Variants in BRPF1 observed in about 807,000 individuals in gnomAD.
BRPF1 encodes the protein bromodomain and PHD finger containing 1, also known as peregrin.
In BRPF1, 15 loss-of-function variants were observed where a neutral mutation model predicts 115.0. The ratio of observed to expected loss-of-function variants is 0.13; its 90% confidence interval spans 0.09 to 0.20. The LOEUF (loss-of-function observed/expected upper bound fraction) is 0.20. Ranked by LOEUF, BRPF1 falls within the 10% of genes least tolerant of loss-of-function variation. The pLI is 1.00. For synonymous variants in BRPF1, 647 were observed against 619.8 expected, an observed-to-expected ratio of 1.04 and a Z score of -0.65; for missense variants, 1,118 against 1,638.3, an observed-to-expected ratio of 0.68 and a Z score of 5.48.
At position 9,743,052 on chromosome 3, in the gene BRPF1, A is replaced by C. The variant is rs759199110; in HGVS notation, c.2110A>C (p.Asn704His). The C allele has an allele frequency of 1.2e-6, 2 of 1,614,252 alleles. No individual in the cohort carries two copies. Among genetic ancestry groups the C allele is most frequent in the South Asian group, 2.2e-5 (2 of 91,086 alleles). ...TTTTGATGATTTTGAGGAGGACTTCAACCTCATCGTCAGCAACTGCCTCAA... is the reference window on the plus strand; with the variant it reads ...TTTTGATGATTTTGAGGAGGACTTCCACCTCATCGTCAGCAACTGCCTCAA... Reference protein sequence around the residue: ...LNFDDFEEDFNLIVSNCLKYN... With the variant: ...LNFDDFEEDFHLIVSNCLKYN... Residue 704 changes from asparagine to histidine, a missense_variant, in exon 7 of 14, where the codon AAC becomes CAC. Transcript: ENST00000383829. The surrounding 1 kb of genome is among the most constrained non-coding windows in gnomAD (Gnocchi z 6.1).
Position 9,739,122 on chromosome 3 carries a change from G to A in BRPF1, c.723G>A (p.Pro241=), listed in dbSNP as rs191947134. Residue 241 remains proline, a synonymous_variant, in exon 3 of 14, where the codon CCG becomes CCA. Transcript: ENST00000383829. ...RRKTEGVSPI[P]QEIFEYLMDR... ...AGACAGAGGGTGTAAGTCCCATCCC[G>A]CAGGAGATCTTTGAGTACCTAATGG... 215 of 1,613,970 alleles carry A rather than the reference G, an allele frequency of 1.3e-4. 1 individual carries two copies. In the South Asian group the frequency reaches 2.1e-3, roughly 16 times the overall value.
In BRPF1 at chr3:9,742,006, A is replaced by G. The variant is rs537798576; in HGVS notation, c.1855-19A>G. 6.2e-7 allele frequency: 1 copy of G among 1,613,786 alleles called. No homozygotes were observed. The highest frequency in any genetic ancestry group is 1.1e-5 in the South Asian group (1 of 91,046). On this transcript the variant is annotated intron_variant, in intron 5 of 13. Transcript: ENST00000383829. ...TGAACTGGCCGAGGCCTGGCTGATCAGGCCTTTTTCTATGTTAGATCAAGG... is the reference window on the plus strand; with the variant it reads ...TGAACTGGCCGAGGCCTGGCTGATCGGGCCTTTTTCTATGTTAGATCAAGG...
intron 3 of BRPF1, among the ~76,000 whole-genome samples, 199 bp downstream of exon 3, chr3:9,740,157 C>T (rs1222422260): frequency 6.6e-6 from 1 of 152,220 alleles, no homozygotes; most frequent in Non-Finnish European, 1.5e-5. Flanking sequence ...GAAATGTCAG[C>T]TTTTATCTGG....
intron 2 of BRPF1, among the ~76,000 whole-genome samples, chr3:9,736,090 C>A (rs1479330946): frequency 1.4e-5 from 2 of 138,984 alleles, no homozygotes; most frequent in Non-Finnish European, 3.0e-5. Context: ...CGGCTCACTG[C>A]GACCTCCACT....
At position 9,743,289 on chromosome 3, in the gene BRPF1, A is replaced by G. The variant is rs753142238; in HGVS notation, c.2311+36A>G. ...TATCACACACACATATAAGAGGCCA[A>G]TGCCGGGGATGGACAGCTTTCCAAA... is the stretch of plus-strand genomic sequence containing the variant. On this transcript the variant is annotated intron_variant, in intron 7 of 13. Transcript: ENST00000383829. This position sits in a 1 kb window ranked among gnomAD's most constrained non-coding sequence, Gnocchi z 6.1. 14 of 1,581,064 alleles carry G rather than the reference A, an allele frequency of 8.9e-6. No individual in the cohort carries two copies. The Admixed American group carries it at 1.7e-4, about 20-fold the overall frequency.
Position 9,741,425 on chromosome 3 carries a change from C to T in BRPF1, c.1840C>T (p.Leu614Phe), listed in dbSNP as rs2125504426. The T allele has an allele frequency of 6.3e-7, 1 of 1,598,126 alleles. No homozygotes were observed. The highest frequency in any genetic ancestry group is 1.1e-5 in the South Asian group (1 of 89,902). ...LVELIRKREKLKRETIKVQQI... is the reference protein window; with the variant it reads ...LVELIRKREKFKRETIKVQQI... The stretch of plus-strand genomic sequence containing the variant: ...GGAATTGATCCGCAAGCGGGAAAAA[C>T]TCAAAAGGGAGACGGTGAGTGCTCC... Residue 614 changes from leucine to phenylalanine, a missense_variant, in exon 5 of 14, where the codon CTC becomes TTC. Leu to Phe is a conservative substitution (Grantham distance 22). This residue lies in a region of BRPF1 where 178 missense variants were observed against 303.7 expected (regional missense o/e 0.59). Coordinates refer to ENST00000383829, the MANE Select transcript of BRPF1 (RefSeq NM_001003694.2).
At chr3:9,744,032 C>A in intron 8 of BRPF1, 131 bp downstream of exon 8, 3 of 1,302,056 alleles carry the variant, frequency 2.3e-6, no homozygotes, top group Non-Finnish European at 3.1e-6. Flanking sequence ...CCTCATTCCC[C>A]AATCAGGGGC....
Position 9,745,651 on chromosome 3 carries a change from C to A in BRPF1, c.3147C>A (p.Thr1049=), listed in dbSNP as rs377310942. The change falls in exon 11 of 14, where the codon ACC becomes ACA. Residue 1049 remains threonine (T), a synonymous_variant. Coordinates refer to ENST00000383829, the MANE Select transcript of BRPF1 (RefSeq NM_001003694.2). This position sits in a 1 kb window ranked among gnomAD's most constrained non-coding sequence, Gnocchi z 5.1. The part of the protein sequence containing the change: ...GTFPEDSSED[T]SGTENEAYSV... ...TCCCAGAGGACAGCAGTGAGGATAC[C>A]TCAGGCACTGAGAATGAGGCCTACT... 7 of 1,614,244 alleles carry A rather than the reference C, an allele frequency of 4.3e-6. No homozygotes were observed. The highest frequency in any genetic ancestry group is 5.9e-6 in the Non-Finnish European group (7 of 1,180,048).
Position 9,747,112 on chromosome 3 carries a change from G to A in BRPF1, c.3480-54G>A. 2 of 1,596,432 alleles carry A rather than the reference G, an allele frequency of 1.3e-6. No homozygotes were observed. Among genetic ancestry groups the A allele is most frequent in the Non-Finnish European group, 1.7e-6 (2 of 1,167,428 alleles). On this transcript the variant is annotated intron_variant, in intron 13 of 13. Transcript: ENST00000383829. The surrounding 1 kb of genome is among the most constrained non-coding windows in gnomAD (Gnocchi z 5.6). ...GTGTTTGAGTGAATAGAGGAGGAAG[G>A]CTGGTCCTTGTTCTCCCTGAGATGA...
chr3:9,743,534 G>A lies in BRPF1; in HGVS notation c.2312-44G>A, dbSNP rs2077067144. 1.3e-6 allele frequency: 2 copies of A among 1,578,710 alleles called. No individual in the cohort carries two copies. Among genetic ancestry groups the A allele is most frequent in the East Asian group, 2.2e-5 (1 of 44,564 alleles). ...CCTGCCCAGGTTCAAGGGGCCCTGA[G>A]GGCTGCCCTGAGTCTGACCTTTCCC... On this transcript the variant is annotated intron_variant, in intron 7 of 13. Coordinates refer to ENST00000383829, the MANE Select transcript of BRPF1 (RefSeq NM_001003694.2). The surrounding 1 kb of genome is among the most constrained non-coding windows in gnomAD (Gnocchi z 6.1).
Position 9,742,016 on chromosome 3 carries a change from CTA to C in BRPF1, c.1855-7_1855-6del. The C allele has an allele frequency of 3.1e-6, 5 of 1,614,014 alleles. No individual in the cohort carries two copies. The highest frequency in any genetic ancestry group is 3.4e-6 in the Non-Finnish European group (4 of 1,179,986). ...GAGGCCTGGCTGATCAGGCCTTTTT[CTA>C]TGTTAGATCAAGGTTCAGCAGATTG... On this transcript the variant is annotated splice_polypyrimidine_tract_variant and splice_region_variant and intron_variant, in intron 5 of 13. Transcript: ENST00000383829.
chr3:9,744,320 C>G lies in BRPF1; in HGVS notation c.2732C>G (p.Pro911Arg). The change falls in exon 9 of 14, where the codon CCC becomes CGC. Residue 911 changes from proline (P) to arginine (R), a missense_variant. Around this residue, in one of 10 missense-constraint regions of BRPF1, gnomAD observed 92 missense variants for 102.2 expected, o/e 0.90. Coordinates refer to ENST00000383829, the MANE Select transcript of BRPF1 (RefSeq NM_001003694.2). Reference protein sequence around the residue: ...SKKNPKTAGPPKRPGRPPKNR... With the variant: ...SKKNPKTAGPRKRPGRPPKNR... ...AAGAACCCGAAGACAGCTGGACCGC[C>G]CAAGAGGCCGGGCCGGCCCCCCAAA... The G allele has an allele frequency of 2.5e-6, 4 of 1,613,534 alleles. No homozygotes were observed. The highest frequency in any genetic ancestry group is 2.5e-6 in the Non-Finnish European group (3 of 1,179,730).
At chr3:9,744,850 G>T (rs1047728903) in intron 9 of BRPF1, among the ~76,000 whole-genome samples, 158 bp from the exon 10 acceptor site, 17 of 152,312 alleles carry the variant, frequency 1.1e-4, no homozygotes, top group Admixed American at 2.6e-4. Context: ...GGCCAACTGT[G>T]GTAGACACTG....
chr3:9,744,708 A>G (rs926560327), intron 9 of BRPF1, among the ~76,000 whole-genome samples, 200 bp downstream of exon 9: 7 of 152,220 alleles, frequency 4.6e-5, no homozygotes, highest in Non-Finnish European at 7.3e-5. Flanking sequence ...AGTCCCATCC[A>G]GGGCCCCCTG....
rs763615600 is a variant in BRPF1 at position 9,741,454 on chromosome 3, G to A, written c.1854+15G>A. 1.9e-6 allele frequency: 3 copies of A among 1,557,158 alleles called. No individual in the cohort carries two copies. The highest frequency in any genetic ancestry group is 2.3e-5 in the South Asian group (2 of 85,712). The stretch of plus-strand genomic sequence containing the variant: ...AAAGGGAGACGGTGAGTGCTCCTGG[G>A]CCAGCCCTATTTTATAAAAGAAAAA... On this transcript the variant is annotated intron_variant, in intron 5 of 13. Transcript: ENST00000383829.
chr3:9,741,332 G>T lies in BRPF1; in HGVS notation c.1747G>T (p.Ala583Ser), dbSNP rs2077026153. The T allele has an allele frequency of 1.3e-6, 2 of 1,595,434 alleles. No homozygotes were observed. Among genetic ancestry groups the T allele is most frequent in the Non-Finnish European group, 1.7e-6 (2 of 1,167,340 alleles). ...GAGAGATTCTGAGGATAAGAACTGG[G>T]CCCTTAAAGAACAGCTCAAGTCCTG... ...VGRDSEDKNW[A>S]LKEQLKSWQR... Residue 583 changes from alanine to serine, a missense_variant, in exon 5 of 14, where the codon GCC (alanine) becomes TCC (serine). Physicochemically the swap from Ala to Ser is moderately conservative, Grantham distance 99. Coordinates refer to ENST00000383829, the MANE Select transcript of BRPF1 (RefSeq NM_001003694.2).
chr3:9,743,568 C>T lies in BRPF1; in HGVS notation c.2312-10C>T, dbSNP rs2077067954. 1.2e-6 allele frequency: 2 copies of T among 1,608,816 alleles called. No individual in the cohort carries two copies. Among genetic ancestry groups the T allele is most frequent in the Non-Finnish European group, 1.7e-6 (2 of 1,176,994 alleles). Reference sequence around the variant, plus strand: ...TGAGTCTGACCTTTCCCCTCCAACCCTACCCCTAGCAGCCGAGGAAGAGCG... The same window carrying T: ...TGAGTCTGACCTTTCCCCTCCAACCTTACCCCTAGCAGCCGAGGAAGAGCG... On this transcript the variant is annotated splice_polypyrimidine_tract_variant and intron_variant, in intron 7 of 13. Coordinates refer to ENST00000383829, the MANE Select transcript of BRPF1 (RefSeq NM_001003694.2). The surrounding 1 kb of genome is among the most constrained non-coding windows in gnomAD (Gnocchi z 6.1).
At position 9,747,585 on chromosome 3, in the gene BRPF1, AG is replaced by A; in HGVS notation, c.*237del. 1 of 454,454 alleles carries A rather than the reference AG, an allele frequency of 2.2e-6. No homozygotes were observed. Among genetic ancestry groups the A allele is most frequent in the East Asian group, 3.2e-5 (1 of 30,984 alleles). 28.2% of individuals were successfully genotyped at this position (454,454 alleles called of 1,614,324 possible). A position where few individuals can be genotyped will look rare whatever the true frequency, so the allele number is the denominator to read the frequency against. On this transcript the variant is annotated 3_prime_UTR_variant, in exon 14 of 14. Coordinates refer to ENST00000383829, the MANE Select transcript of BRPF1 (RefSeq NM_001003694.2). This position sits in a 1 kb window ranked among gnomAD's most constrained non-coding sequence, Gnocchi z 5.6. ...GAGGGAGGGCCCACAGGTCAGAAAAAGCTCCAGAGACCTCACAGCATTGTAG... is the reference window on the plus strand; with the variant it reads ...GAGGGAGGGCCCACAGGTCAGAAAAACTCCAGAGACCTCACAGCATTGTAG...
At chr3:9,746,034 C>T in intron 12 of BRPF1, 104 bp downstream of exon 12, 1 of 1,345,600 alleles carries the variant, frequency 7.4e-7, no homozygotes, top group Non-Finnish European at 1.0e-6. Flanking sequence ...CACAGAGTTT[C>T]TTGGTAAGGT....
Sources: gnomAD v4.1 joint callset for allele counts (sites outside exome capture counted in the v4.1 genomes callset) on GRCh38, gnomAD v4.1.1 for gene constraint, gnomAD v4.1.1 regional missense constraint, Gnocchi (gnomAD v3.1) non-coding constraint, MANE v1.5 for transcripts, NCBI Gene and HGNC (gene_info 2026-07-23, HGNC 2026-07-21) for gene names.